Variants in RPA1 observed in about 807,000 individuals in gnomAD.
RPA1 encodes replication protein A1, also known as replication protein A 70 kDa DNA-binding subunit.
In RPA1, 49 loss-of-function variants were observed where a neutral mutation model predicts 83.0. The observed-to-expected ratio is 0.59, with a 90% CI of 0.47 to 0.75. RPA1 has a LOEUF of 0.75. Ranked by LOEUF, RPA1 falls within the 30% of genes least tolerant of loss-of-function variation. RPA1 has a pLI of 0.00. For missense variants in RPA1, 693 were observed against 776.1 expected, an observed-to-expected ratio of 0.89 and a Z score of 1.27; for synonymous variants, 279 against 281.8, an observed-to-expected ratio of 0.99 and a Z score of 0.10.
rs759046355 is a variant in RPA1, at chr17:1,879,588, A to G, written c.981A>G (p.Glu327=). ...VDIIGICKSY[E]DATKITVRSN... is the part of the protein sequence containing the mutation. The stretch of plus-strand genomic sequence containing the variant: ...TCATCGGGATCTGCAAGAGCTATGA[A>G]GACGCCACTAAAATCACAGTGAGGT... The change falls in exon 11 of 17, where the codon GAA becomes GAG. Residue 327 remains glutamate, a synonymous_variant. Transcript: ENST00000254719. The G allele has an allele frequency of 1.9e-5, 30 of 1,614,102 alleles. No individual in the cohort carries two copies. The highest frequency in any genetic ancestry group is 2.5e-5 in the Non-Finnish European group (29 of 1,180,042).
chr17:1,862,679 A>G (rs901627966), intron 5 of RPA1, among the ~76,000 whole-genome samples: 4 of 145,872 alleles, frequency 2.7e-5, no homozygotes, highest in African/African-American at 5.2e-5. Flanking sequence ...TTGACCTCCT[A>G]AAGTGCTAAG....
chr17:1,873,292 C>G (rs920860472), intron 6 of RPA1, among the ~76,000 whole-genome samples: 1 of 152,154 alleles, frequency 6.6e-6, no homozygotes, highest in Non-Finnish European at 1.5e-5. Flanking sequence ...TCTTCATTTA[C>G]TTTTCTCTGC....
rs55800538 is a variant in RPA1 at position 1,879,311 on chromosome 17, G to A, written c.856G>A (p.Val286Ile). 457 of 1,614,206 alleles carry A rather than the reference G, an allele frequency of 2.8e-4. No homozygotes were observed. The highest frequency in any genetic ancestry group is 1.6e-3 in the East Asian group (71 of 44,882). Residue 286 changes from valine to isoleucine, a missense_variant, in exon 10 of 17, where the codon GTC (valine) becomes ATC (isoleucine). By Grantham distance (29) the Val-to-Ile change is conservative. Coordinates refer to ENST00000254719, the MANE Select transcript of RPA1 (RefSeq NM_002945.5). ...YEMTFNNETS[V>I]MPCEDDHHLP... ...GATGACCTTCAATAACGAGACTTCC[G>A]TCATGCCCTGTGAGGACGACCATCA...
chr17:1,884,011 T>C lies in RPA1; in HGVS notation c.1374+67T>C, dbSNP rs988236924. 3.8e-6 allele frequency: 6 copies of C among 1,591,704 alleles called. No individual in the cohort carries two copies. Among genetic ancestry groups the C allele is most frequent in the South Asian group, 3.3e-5 (3 of 90,064 alleles). On this transcript the variant is annotated intron_variant, in intron 13 of 16. Coordinates refer to ENST00000254719, the MANE Select transcript of RPA1 (RefSeq NM_002945.5). This position sits in a 1 kb window ranked among gnomAD's most constrained non-coding sequence, Gnocchi z 4.1. ...TGTGCAGAAGGATGGATTTAGAAACTTGGTTTCCAGCACCAGCTGTCAGAG... is the reference window on the plus strand; with the variant it reads ...TGTGCAGAAGGATGGATTTAGAAACCTGGTTTCCAGCACCAGCTGTCAGAG...
intron 2 of RPA1, among the ~76,000 whole-genome samples, chr17:1,843,598 C>CATTATT (rs139126914): frequency 0.14 from 19,542 of 140,846 alleles, 1,463 homozygotes; most frequent in South Asian, 0.21. Context: ...TTGGGTGCTT[C>CATTATT]ATTATTATTA....
Position 1,879,078 on chromosome 17 carries a change from T to G in RPA1, c.759+17T>G. ...GTGAACAAGGTATGGCCGTGCTGAC[T>G]TTAGAACTGACACCGCCTGGGGGTG... On this transcript the variant is annotated intron_variant, in intron 9 of 16. Coordinates refer to ENST00000254719, the MANE Select transcript of RPA1 (RefSeq NM_002945.5). The G allele has an allele frequency of 6.2e-7, 1 of 1,614,070 alleles. No individual in the cohort carries two copies. Among genetic ancestry groups the G allele is most frequent in the Non-Finnish European group, 8.5e-7 (1 of 1,179,928 alleles).
At chr17:1,896,469 A>G (rs559204426) in intron 16 of RPA1, among the ~76,000 whole-genome samples, 2 of 151,908 alleles carry the variant, frequency 1.3e-5, no homozygotes, top group South Asian at 2.1e-4. Context: ...TGCGACTACT[A>G]TAAACATTAA....
At chr17:1,872,646 T>C in intron 6 of RPA1, 120 bp downstream of exon 6, 1 of 1,354,192 alleles carries the variant, frequency 7.4e-7, no homozygotes, top group Non-Finnish European at 1.0e-6. Flanking sequence ...GGTTGTGTCT[T>C]GGAAAGAATA....
In RPA1 at chr17:1,891,876, T is replaced by G; in HGVS notation, c.1595T>G (p.Phe532Cys). 6.2e-7 allele frequency: 1 copy of G among 1,608,136 alleles called. No homozygotes were observed. The highest frequency in any genetic ancestry group is 8.5e-7 in the Non-Finnish European group (1 of 1,175,200). ...DFQENQWVTC[F>C]QESAEAILGQ... ...CAAGAGAATCAGTGGGTGACTTGTT[T>G]CCAGGAGTCTGCTGAAGCTATCCTT... The change falls in exon 15 of 17, where the codon TTC becomes TGC. Residue 532 changes from phenylalanine (F) to cysteine (C), a missense_variant. Transcript: ENST00000254719.
intron 4 of RPA1, among the ~76,000 whole-genome samples, chr17:1,850,284 C>G (rs1351625560): frequency 6.6e-6 from 1 of 151,672 alleles, no homozygotes; most frequent in Non-Finnish European, 1.5e-5. Flanking sequence ...GTAATCCCAG[C>G]ACCTTGGGAG....
chr17:1,877,097 T>C, intron 7 of RPA1, 115 bp from the exon 8 acceptor site: 1 of 918,200 alleles, frequency 1.1e-6, no homozygotes. Context: ...TGGATTAAAA[T>C]ACAGGTTGGA....
chr17:1,886,516 G>C (rs143718585), intron 13 of RPA1, among the ~76,000 whole-genome samples: 3 of 152,312 alleles, frequency 2.0e-5, no homozygotes, highest in Admixed American at 6.5e-5. Context: ...AGGCTATTCT[G>C]TCTACGTTGA....
rs374321373 is a variant in RPA1, at chr17:1,850,349, A to C, written c.273-2752A>C. The stretch of plus-strand genomic sequence containing the variant: ...GAGTTCAAGACCAGCCTGGCTGGCC[A>C]ACATGGTGAAACACCATCTCTACTG... On this transcript the variant is annotated intron_variant, in intron 4 of 16. Coordinates refer to ENST00000254719, the MANE Select transcript of RPA1 (RefSeq NM_002945.5). 6.0e-5 allele frequency among the ~76,000 whole-genome samples: 9 copies of C among 149,156 alleles called. No individual in the cohort carries two copies. The East Asian group carries it at 1.4e-3, about 24-fold the overall frequency.
At chr17:1,881,584 A>G (rs1913799758) in intron 12 of RPA1, among the ~76,000 whole-genome samples, 1 of 152,192 alleles carries the variant, frequency 6.6e-6, no homozygotes, top group African/African-American at 2.4e-5. Context: ...AACTAGCCAC[A>G]GATTTGCTTT....
intron 15 of RPA1, among the ~76,000 whole-genome samples, chr17:1,892,759 GGTGACTTTCTTCC>G (rs1567829740): frequency 6.6e-6 from 1 of 152,120 alleles, no homozygotes; most frequent in Admixed American, 6.5e-5. Flanking sequence ...ATTCTTATGC[GGTGACTTTCTTCC>G]GTAAGGTAAC....
chr17:1,880,037 A>G (rs1263331411), intron 11 of RPA1, among the ~76,000 whole-genome samples: 1 of 138,040 alleles, frequency 7.2e-6, no homozygotes, highest in Non-Finnish European at 1.5e-5. Context: ...TTCCTATAGG[A>G]TGGGGCCTTC....
chr17:1,872,595 T>G, intron 6 of RPA1, 69 bp downstream of exon 6: 1 of 1,574,398 alleles, frequency 6.4e-7, no homozygotes, highest in Non-Finnish European at 8.6e-7. Flanking sequence ...TGAAGTTGAA[T>G]CTGGGACTAA....
intron 1 of RPA1, among the ~76,000 whole-genome samples, chr17:1,832,118 C>T (rs910143064): frequency 5.3e-5 from 8 of 151,328 alleles, no homozygotes; most frequent in African/African-American, 1.9e-4. Context: ...TTAGTAGACA[C>T]GGGGGTTTCA....
At chr17:1,864,848 C>T (rs59794754) in intron 5 of RPA1, among the ~76,000 whole-genome samples, 1,969 of 152,004 alleles carry the variant, frequency 0.013, 52 homozygotes, top group African/African-American at 0.045. Context: ...TGCAGTGAGC[C>T]GAGATTGTGC....
Sources: gnomAD v4.1 joint callset for allele counts (sites outside exome capture counted in the v4.1 genomes callset) on GRCh38, gnomAD v4.1.1 for gene constraint, Gnocchi (gnomAD v3.1) non-coding constraint, MANE v1.5 for transcripts, NCBI Gene and HGNC (gene_info 2026-07-23, HGNC 2026-07-21) for gene names.